The following GPC5 variants were observed in gnomAD, a reference collection of about 807,000 sequenced individuals.
GPC5 encodes the protein glypican-5.
A neutral mutation model predicts 53.9 loss-of-function variants in GPC5; 47 were observed. The observed-to-expected ratio is 0.87, with a 90% CI of 0.69 to 1.11. The LOEUF (loss-of-function observed/expected upper bound fraction) is 1.11, where lower values mean the gene tolerates loss of function less well. GPC5 is among the 50% of genes most tolerant of loss of function. GPC5 has a pLI of 0.00. For synonymous variants in GPC5, 286 were observed against 263.3 expected (o/e 1.09, Z -0.84); for missense variants, 748 against 713.1 (o/e 1.05, Z -0.56).
At chr13:92,617,155 T>G (rs1884716012) in intron 7 of GPC5, among the ~76,000 whole-genome samples, 1 of 152,164 alleles carries the variant, frequency 6.6e-6, no homozygotes, top group Non-Finnish European at 1.5e-5. Flanking sequence ...CCTGAAGGAC[T>G]TTGGAACATC....
chr13:91,752,365 G>T (rs187289971), intron 4 of GPC5, among the ~76,000 whole-genome samples: 1 of 152,090 alleles, frequency 6.6e-6, no homozygotes, highest in African/African-American at 2.4e-5. Flanking sequence ...GATTATAGGC[G>T]TGAGCCACCA....
chr13:91,946,199 G>T (rs2039973126), intron 6 of GPC5, among the ~76,000 whole-genome samples: 1 of 151,926 alleles, frequency 6.6e-6, no homozygotes, highest in Admixed American at 6.6e-5. Context: ...TTGAAATTTG[G>T]GGTCTTTCTT....
intron 6 of GPC5, among the ~76,000 whole-genome samples, chr13:92,090,951 T>C (rs2041375353): frequency 6.6e-6 from 1 of 152,250 alleles, no homozygotes; most frequent in Admixed American, 6.5e-5. Flanking sequence ...GCTCTCTGTC[T>C]TTCTCTTTTT....
intron 2 of GPC5, among the ~76,000 whole-genome samples, chr13:91,636,016 G>A (rs932778030): frequency 6.6e-6 from 1 of 151,614 alleles, no homozygotes; most frequent in Non-Finnish European, 1.5e-5. Context: ...TTCTGTTTTG[G>A]TTGTTGCCGT....
chr13:91,653,779 T>C (rs16946407), intron 2 of GPC5, among the ~76,000 whole-genome samples: 9,848 of 152,156 alleles, frequency 0.065, 1,076 homozygotes, highest in African/African-American at 0.22. Context: ...TATATTAGAC[T>C]TAGAATTTTT....
At chr13:91,552,078 T>C (rs2030672299) in intron 2 of GPC5, among the ~76,000 whole-genome samples, 1 of 152,122 alleles carries the variant, frequency 6.6e-6, no homozygotes, top group African/African-American at 2.4e-5. Context: ...ACTGGATTTT[T>C]ATTCTATTAT....
chr13:92,051,471 A>G (rs1014930187), intron 6 of GPC5, among the ~76,000 whole-genome samples: 1 of 151,438 alleles, frequency 6.6e-6, no homozygotes, highest in African/African-American at 2.4e-5. Flanking sequence ...AAGTGCCGGG[A>G]TTACAGGCAT....
intron 6 of GPC5, among the ~76,000 whole-genome samples, chr13:92,083,860 A>G (rs759689239): frequency 6.6e-6 from 1 of 152,204 alleles, no homozygotes; most frequent in Non-Finnish European, 1.5e-5. Flanking sequence ...TAGCAAAGAC[A>G]TGGAATCAAC....
At chr13:92,222,572 G>A (rs967610177) in intron 7 of GPC5, among the ~76,000 whole-genome samples, 1 of 152,092 alleles carries the variant, frequency 6.6e-6, no homozygotes, top group African/African-American at 2.4e-5. Context: ...TTTCACTGTT[G>A]TATTTTTTCT....
At chr13:92,431,829 A>G (rs1488455047) in intron 7 of GPC5, among the ~76,000 whole-genome samples, 2 of 152,196 alleles carry the variant, frequency 1.3e-5, no homozygotes, top group African/African-American at 4.8e-5. Context: ...AGATAAAATA[A>G]TTTATGTGAC....
At position 92,119,476 on chromosome 13, in the gene GPC5, G is replaced by T. The variant is rs552080364; in HGVS notation, c.1402-25354G>T. On this transcript the variant is annotated intron_variant, in intron 6 of 7. Coordinates refer to ENST00000377067, the MANE Select transcript of GPC5 (RefSeq NM_004466.6). ...TGCAGTGGCGCGATCTCGGCTCACT[G>T]CAGGCTCCGCCCCCCGGGGTTCACA... is the stretch of plus-strand genomic sequence containing the variant. Among the ~76,000 whole-genome samples, 114 of 128,958 alleles carry T rather than the reference G, an allele frequency of 8.8e-4. 1 individual carries two copies. The Middle Eastern group carries it at 0.047, about 53-fold the overall frequency. The allele number at this position is 128,958 out of a possible 152,430, so 84.6% of individuals were successfully genotyped here. A position where few individuals can be genotyped will look rare whatever the true frequency, so the allele number is the denominator to read the frequency against.
At chr13:92,385,347 CATATAT>C (rs1162443225) in intron 7 of GPC5, among the ~76,000 whole-genome samples, 1 of 87,026 alleles carries the variant, frequency 1.1e-5, no homozygotes, top group African/African-American at 4.3e-5. Context: ...CATATATATA[CATATAT>C]ACATATATAC....
intron 7 of GPC5, chr13:92,339,912 GAT>G (rs1454931150): frequency 1.3e-5 from 2 of 152,026 alleles, no homozygotes; most frequent in Non-Finnish European, 2.9e-5. Flanking sequence ...TATTTATGAT[GAT>G]AAATGCACAC....
chr13:91,593,018 T>A (rs1421817205), intron 2 of GPC5, among the ~76,000 whole-genome samples: 1 of 152,172 alleles, frequency 6.6e-6, no homozygotes, highest in Non-Finnish European at 1.5e-5. Flanking sequence ...GGTTCCTAGT[T>A]CCATACCGGC....
chr13:91,475,726 AGTT>A (rs915169044), intron 2 of GPC5, among the ~76,000 whole-genome samples: 2 of 152,172 alleles, frequency 1.3e-5, no homozygotes, highest in Non-Finnish European at 1.5e-5. Flanking sequence ...CTCTTCTTAC[AGTT>A]GTTGGCAGGA....
intron 7 of GPC5, among the ~76,000 whole-genome samples, chr13:92,645,352 T>A (rs965140249): frequency 2.6e-5 from 4 of 152,154 alleles, no homozygotes; most frequent in East Asian, 3.9e-4. Flanking sequence ...ACTATGTTGG[T>A]CAGACTGGTC....
Position 92,187,437 on chromosome 13 carries a change from A to G in GPC5, c.1561+42448A>G, listed in dbSNP as rs186777868. 2.1e-3 allele frequency among the ~76,000 whole-genome samples: 316 copies of G among 152,358 alleles called. 2 individuals carry two copies. Among genetic ancestry groups the G allele is most frequent in the African/African-American group, 7.3e-3 (304 of 41,586 alleles). ...TCAAACTATGGTCTCAATGGACTCA[A>G]TTTCAACACGTCATGCCATATGATA... On this transcript the variant is annotated intron_variant, in intron 7 of 7. Coordinates refer to ENST00000377067, the MANE Select transcript of GPC5 (RefSeq NM_004466.6).
chr13:91,999,487 C>T (rs1173947558), intron 6 of GPC5, among the ~76,000 whole-genome samples: 3 of 152,154 alleles, frequency 2.0e-5, no homozygotes, highest in Non-Finnish European at 4.4e-5. Flanking sequence ...GACTTGTTCA[C>T]ATATTGACTT....
At chr13:92,186,276 G>T (rs1026206966) in intron 7 of GPC5, among the ~76,000 whole-genome samples, 1 of 151,754 alleles carries the variant, frequency 6.6e-6, no homozygotes, top group African/African-American at 2.4e-5. Context: ...CATCTTTTGG[G>T]CATTTCAGCT....
Sources: gnomAD v4.1 joint callset for allele counts (sites outside exome capture counted in the v4.1 genomes callset) on GRCh38, gnomAD v4.1.1 for gene constraint, MANE v1.5 for transcripts, NCBI Gene and HGNC (gene_info 2026-07-23, HGNC 2026-07-21) for gene names.